The following PIP5KL1 variants were observed in gnomAD, a reference collection of about 807,000 sequenced individuals.
The protein encoded by PIP5KL1 is phosphatidylinositol 4-phosphate 5-kinase-like protein 1.
In PIP5KL1, 45 loss-of-function variants were observed where a neutral mutation model predicts 47.6. The observed-to-expected ratio is 0.94, with a 90% CI of 0.74 to 1.21. The LOEUF is 1.21. PIP5KL1 is among the 50% of genes most tolerant of loss of function. PIP5KL1 has a pLI of 0.00. For missense variants in PIP5KL1, 577 were observed against 547.6 expected (o/e 1.05, Z -0.54); for synonymous variants, 256 against 234.6 (o/e 1.09, Z -0.84).
At chr9:127,925,753 G>A (rs886207457) in intron 8 of PIP5KL1, 114 bp downstream of exon 8, 62 of 910,770 alleles carry the variant, frequency 6.8e-5, no homozygotes, top group Admixed American at 9.2e-5. Flanking sequence ...CGTGAGCCAC[G>A]GCGCCCGGCC....
At chr9:127,923,933 C>T (rs1216826085) in intron 9 of PIP5KL1, among the ~76,000 whole-genome samples, 1 of 152,178 alleles carries the variant, frequency 6.6e-6, no homozygotes, top group Non-Finnish European at 1.5e-5. Context: ...GATGAGTCTA[C>T]CCTCCCAGGG....
rs753955317 is a variant in PIP5KL1 at position 127,930,715 on chromosome 9, G to A, written c.30+8C>T. 3 of 1,570,612 alleles carry A rather than the reference G, an allele frequency of 1.9e-6. No individual in the cohort carries two copies. Among genetic ancestry groups the A allele is most frequent in the African/African-American group, 1.4e-5 (1 of 71,584 alleles). On this transcript the variant is annotated splice_region_variant and intron_variant, in intron 1 of 9. Transcript: ENST00000388747. ...CCCTCTCCTGTCCTCTCTCGGGTCCGCACCTACCTCGCGGGGCCCCGGGCT... is the reference window on the plus strand; with the variant it reads ...CCCTCTCCTGTCCTCTCTCGGGTCCACACCTACCTCGCGGGGCCCCGGGCT...
Position 127,921,857 on chromosome 9 carries a change from T to A in PIP5KL1, c.1175A>T (p.His392Leu), listed in dbSNP as rs777491517. ...GGGGCCGGGCGCCCGTCACTCCGTG[T>A]GCGCCTCCACCCACTGGCAGAGGCG... Reference protein sequence around the residue: ...ARRLCQWVEAHTE With the variant: ...ARRLCQWVEALTE Residue 392 changes from histidine (H) to leucine (L), a missense_variant, in exon 10 of 10, where the codon CAC becomes CTC. Physicochemically the swap from His to Leu is moderately conservative, Grantham distance 99. Transcript: ENST00000388747. The A allele has an allele frequency of 5.8e-5, 91 of 1,573,808 alleles. No individual in the cohort carries two copies. Among genetic ancestry groups the A allele is most frequent in the Non-Finnish European group, 7.6e-5 (89 of 1,165,358 alleles).
In PIP5KL1 at chr9:127,927,637, C is replaced by T. The variant is rs1401342657; in HGVS notation, c.559+11G>A. 3.3e-6 allele frequency: 5 copies of T among 1,530,848 alleles called. No individual in the cohort carries two copies. The highest frequency in any genetic ancestry group is 4.4e-6 in the Non-Finnish European group (5 of 1,144,578). The allele number at this position is 1,530,848 out of a possible 1,614,324, so 94.8% of individuals were successfully genotyped here. On this transcript the variant is annotated intron_variant, in intron 5 of 9. Transcript: ENST00000388747. The surrounding 1 kb of genome is among the most constrained non-coding windows in gnomAD (Gnocchi z 5.5). Reference sequence around the variant, plus strand: ...ACCCGCCCCCACCGAGCCCCGCCCCCAGCCAAGTACCCAGCAACCGCGCCA... The same window carrying T: ...ACCCGCCCCCACCGAGCCCCGCCCCTAGCCAAGTACCCAGCAACCGCGCCA...
intron 1 of PIP5KL1, among the ~76,000 whole-genome samples, chr9:127,930,388 A>G (rs1438860892): frequency 6.6e-6 from 1 of 152,232 alleles, no homozygotes. Context: ...AGGGGCCAGC[A>G]CGATGCTTTT....
In PIP5KL1 at chr9:127,928,487, C is replaced by G; in HGVS notation, c.229-4G>C. 6.3e-7 allele frequency: 1 copy of G among 1,589,608 alleles called. No individual in the cohort carries two copies. The highest frequency in any genetic ancestry group is 2.3e-5 in the East Asian group (1 of 44,272). On this transcript the variant is annotated splice_region_variant and splice_polypyrimidine_tract_variant and intron_variant, in intron 2 of 9. Coordinates refer to ENST00000388747, the MANE Select transcript of PIP5KL1 (RefSeq NM_001135219.2). ...AATCGTCCCGGGAGGGCGGCCCCTGCAGGGAGAGGTAGAGGAGCTCAGGGC... is the reference window on the plus strand; with the variant it reads ...AATCGTCCCGGGAGGGCGGCCCCTGGAGGGAGAGGTAGAGGAGCTCAGGGC...
chr9:127,928,231 G>C lies in PIP5KL1; in HGVS notation c.280-12C>G. 5 of 1,532,350 alleles carry C rather than the reference G, an allele frequency of 3.3e-6. No individual in the cohort carries two copies. Among genetic ancestry groups the C allele is most frequent in the Non-Finnish European group, 4.4e-6 (5 of 1,139,980 alleles). 94.9% of individuals were successfully genotyped at this position (1,532,350 alleles called of 1,614,324 possible). The stretch of plus-strand genomic sequence containing the variant: ...CCCAGCTCGAAGCCCTGCAGGGGAG[G>C]AAGAGCCTCCTCTGGAGTGTCTGCG... On this transcript the variant is annotated splice_polypyrimidine_tract_variant and intron_variant, in intron 3 of 9. Transcript: ENST00000388747.
chr9:127,927,388 T>G lies in PIP5KL1; in HGVS notation c.560-57A>C. The G allele has an allele frequency of 1.3e-6, 2 of 1,554,266 alleles. No individual in the cohort carries two copies. The highest frequency in any genetic ancestry group is 1.7e-6 in the Non-Finnish European group (2 of 1,154,186). On this transcript the variant is annotated intron_variant, in intron 5 of 9. Coordinates refer to ENST00000388747, the MANE Select transcript of PIP5KL1 (RefSeq NM_001135219.2). The surrounding 1 kb of genome is among the most constrained non-coding windows in gnomAD (Gnocchi z 5.5). ...CCCAAACTCCACAACCCGGGGTGCA[T>G]CCGGCGCCAATCCCAGCGCCAGGCC...
At position 127,921,978 on chromosome 9, in the gene PIP5KL1, CTG is replaced by C; in HGVS notation, c.1052_1053del (p.Thr351SerfsTer87). The C allele has an allele frequency of 6.3e-7, 1 of 1,578,082 alleles. No individual in the cohort carries two copies. ...RYFLGVVDLA[T>X]VYGLRKRLEH... The stretch of plus-strand genomic sequence containing the variant: ...TCCAGCCGCTTGCGGAGCCCGTAGA[CTG>C]TGGCGAGATCCACGACGCCCAGGAA... On this transcript the variant is annotated frameshift_variant, in exon 10 of 10. Transcript: ENST00000388747. LOFTEE classifies it high-confidence loss of function.
chr9:127,922,704 A>AAAAG (rs1554720826), intron 9 of PIP5KL1, among the ~76,000 whole-genome samples: 1 of 150,780 alleles, frequency 6.6e-6, no homozygotes, highest in Non-Finnish European at 1.5e-5. Context: ...CAAAAAAAAA[A>AAAAG]AAAAAAAGAA....
rs968303443 is a variant in PIP5KL1, at chr9:127,927,353, G to C, written c.560-22C>G. On this transcript the variant is annotated intron_variant, in intron 5 of 9. Transcript: ENST00000388747. This position sits in a 1 kb window ranked among gnomAD's most constrained non-coding sequence, Gnocchi z 5.5. ...ACTCCTGGAAGGGGAGAGGGCGCCG[G>C]ATGAGGATCCCCAAACTCCACAACC... The C allele has an allele frequency of 1.9e-6, 3 of 1,599,442 alleles. No homozygotes were observed. In the African/African-American group the frequency reaches 4.0e-5, roughly 21 times the overall value.
Position 127,921,825 on chromosome 9 carries a change from G to A in PIP5KL1, c.*22C>T. 6.4e-6 allele frequency: 10 copies of A among 1,563,098 alleles called. No individual in the cohort carries two copies. The highest frequency in any genetic ancestry group is 7.8e-6 in the Non-Finnish European group (9 of 1,160,234). On this transcript the variant is annotated 3_prime_UTR_variant, in exon 10 of 10. Coordinates refer to ENST00000388747, the MANE Select transcript of PIP5KL1 (RefSeq NM_001135219.2). Reference sequence around the variant, plus strand: ...TGGCGTGAGCCCATCGTCCAGATCCGGAGAGTGGGGCCGGGCGCCCGTCAC... The same window carrying A: ...TGGCGTGAGCCCATCGTCCAGATCCAGAGAGTGGGGCCGGGCGCCCGTCAC...
chr9:127,928,906 C>T lies in PIP5KL1; in HGVS notation c.229-423G>A, dbSNP rs1471319807. On this transcript the variant is annotated intron_variant, in intron 2 of 9. Transcript: ENST00000388747. ...GGGGTGGAGACCTCTAAGCTGAAATCTAAAGGGTAGTGGAGAGGAGGAGCA... is the reference window on the plus strand; with the variant it reads ...GGGGTGGAGACCTCTAAGCTGAAATTTAAAGGGTAGTGGAGAGGAGGAGCA... The T allele has an allele frequency of 1.9e-5, 4 of 210,056 alleles. No individual in the cohort carries two copies. The South Asian group carries it at 2.9e-4, about 15-fold the overall frequency. The allele number at this position is 210,056 out of a possible 1,614,324, so 13.0% of individuals were successfully genotyped here.
chr9:127,921,112 C>T lies in PIP5KL1; in HGVS notation c.*735G>A, dbSNP rs946913742. ...AGGAAGGAGAAGGAGTGATCAGGGG[C>T]ATGCAGGCTCCTGGTGATGTCTGTG... On this transcript the variant is annotated 3_prime_UTR_variant, in exon 10 of 10. Coordinates refer to ENST00000388747, the MANE Select transcript of PIP5KL1 (RefSeq NM_001135219.2). 1 of 152,320 alleles carries T rather than the reference C, an allele frequency of 6.6e-6. No homozygotes were observed. Among genetic ancestry groups the T allele is most frequent in the African/African-American group, 2.4e-5 (1 of 41,458 alleles). 9.4% of individuals were successfully genotyped at this position (152,320 alleles called of 1,614,324 possible).
chr9:127,922,103 C>A lies in PIP5KL1; in HGVS notation c.929G>T (p.Gly310Val). ...TCTCGACTCTTCCGGGCTCTGTGCC[C>A]CTTGCACAGACCTGGGGGCCGACAG... ...LIFRTARSVQ[G>V]AQSPEESRAQ... The change falls in exon 10 of 10, where the codon GGG becomes GTG. Residue 310 changes from glycine to valine, a missense_variant. Coordinates refer to ENST00000388747, the MANE Select transcript of PIP5KL1 (RefSeq NM_001135219.2). The A allele has an allele frequency of 6.5e-7, 1 of 1,529,096 alleles. No homozygotes were observed. Among genetic ancestry groups the A allele is most frequent in the East Asian group, 2.4e-5 (1 of 41,200 alleles). 94.7% of individuals were successfully genotyped at this position (1,529,096 alleles called of 1,614,324 possible).
Position 127,930,726 on chromosome 9 carries a change from G to T in PIP5KL1, c.27C>A (p.Arg9=). 2 of 1,569,708 alleles carry T rather than the reference G, an allele frequency of 1.3e-6. No homozygotes were observed. Among genetic ancestry groups the T allele is most frequent in the Non-Finnish European group, 8.6e-7 (1 of 1,161,708 alleles). MAAPSPGP[R]EVLAPSPEAG... is the part of the protein sequence containing the mutation. ...CCTCTCTCGGGTCCGCACCTACCTCGCGGGGCCCCGGGCTCGGCGCAGCCA... is the reference window on the plus strand; with the variant it reads ...CCTCTCTCGGGTCCGCACCTACCTCTCGGGGCCCCGGGCTCGGCGCAGCCA... The change falls in exon 1 of 10, where the codon CGC becomes CGA. Residue 9 remains arginine (R), a synonymous_variant. Transcript: ENST00000388747.
rs761281109 is a variant in PIP5KL1, at chr9:127,922,024, G to C, written c.1008C>G (p.Asp336Glu). 5 of 1,574,936 alleles carry C rather than the reference G, an allele frequency of 3.2e-6. No individual in the cohort carries two copies. The highest frequency in any genetic ancestry group is 1.4e-5 in the African/African-American group (1 of 73,992). ...PDAPNALHIL[D>E]GPEQRYFLGV... ...CCAGGAAATAGCGCTGCTCGGGCCC[G>C]TCCAGGATGTGTAGGGCGTTGGGGG... The change falls in exon 10 of 10, where the codon GAC (aspartate) becomes GAG (glutamate). Residue 336 changes from aspartate (D) to glutamate (E), a missense_variant. By Grantham distance (45) the Asp-to-Glu change is conservative. Coordinates refer to ENST00000388747, the MANE Select transcript of PIP5KL1 (RefSeq NM_001135219.2).
In PIP5KL1 at chr9:127,927,369, C is replaced by A. The variant is rs745662155; in HGVS notation, c.560-38G>T. The A allele has an allele frequency of 6.3e-7, 1 of 1,585,748 alleles. No individual in the cohort carries two copies. Among genetic ancestry groups the A allele is most frequent in the Non-Finnish European group, 8.5e-7 (1 of 1,170,310 alleles). On this transcript the variant is annotated intron_variant, in intron 5 of 9. Transcript: ENST00000388747. This position sits in a 1 kb window ranked among gnomAD's most constrained non-coding sequence, Gnocchi z 5.5. ...AGGGCGCCGGATGAGGATCCCCAAA[C>A]TCCACAACCCGGGGTGCATCCGGCG...
In PIP5KL1 at chr9:127,922,075, G is replaced by C; in HGVS notation, c.957C>G (p.Ala319=). ...QGAQSPEESR[A]QNRRLLPDAP... Reference sequence around the variant, plus strand: ...CGTCGGGCAGCAGCCGGCGGTTTTGGGCTCTCGACTCTTCCGGGCTCTGTG... The same window carrying C: ...CGTCGGGCAGCAGCCGGCGGTTTTGCGCTCTCGACTCTTCCGGGCTCTGTG... Residue 319 remains alanine (A), a synonymous_variant, in exon 10 of 10, where the codon GCC becomes GCG. Transcript: ENST00000388747. 6.4e-7 allele frequency: 1 copy of C among 1,560,026 alleles called. No homozygotes were observed.
Sources: allele counts gnomAD v4.1 joint callset (sites outside exome capture counted in the v4.1 genomes callset), GRCh38; gene constraint gnomAD v4.1.1; non-coding constraint Gnocchi (gnomAD v3.1); transcripts MANE v1.5; gene names NCBI Gene and HGNC (gene_info 2026-07-23, HGNC 2026-07-21).